Variants in GNAQ observed in about 807,000 individuals in gnomAD.
GNAQ encodes the protein G protein subunit alpha q.
GNAQ carries 8 observed loss-of-function variants against 43.9 expected under a neutral mutation model. The observed-to-expected ratio is 0.18, with a 90% confidence interval of 0.11 to 0.33. GNAQ has a LOEUF of 0.33. Ranked by LOEUF, GNAQ falls within the 10% of genes least tolerant of loss-of-function variation. The probability of loss-of-function intolerance (pLI) is 1.00; values close to 1 mark genes in which losing one functional copy is unlikely to be tolerated. For synonymous variants in GNAQ, 155 were observed against 170.7 expected (o/e 0.91, Z 0.71); for missense variants, 158 against 450.8 (o/e 0.35, Z 5.88).
chr9:77,897,942 GAAAAAAAA>G (rs5898570), intron 2 of GNAQ, among the ~76,000 whole-genome samples: 1 of 124,718 alleles, frequency 8.0e-6, no homozygotes, highest in African/African-American at 3.1e-5. Context: ...ACTTTCCCTG[GAAAAAAAA>G]AAAAAAAAAA....
rs77029988 is a variant in GNAQ at position 77,947,105 on chromosome 9, C to G, written c.137-24760G>C. Among the ~76,000 whole-genome samples, 667 of 152,348 alleles carry G rather than the reference C, an allele frequency of 4.4e-3. 6 individuals are homozygous for G. Among genetic ancestry groups the G allele is most frequent in the African/African-American group, 0.016 (646 of 41,580 alleles). On this transcript the variant is annotated intron_variant, in intron 1 of 6. Transcript: ENST00000286548. The stretch of plus-strand genomic sequence containing the variant: ...AAATATCCTTCTCTGCTGGGCAAAA[C>G]CTCCCCCATTCTTGTCCTTTAAGTT...
At chr9:77,957,606 G>A (rs956773714) in intron 1 of GNAQ, among the ~76,000 whole-genome samples, 6 of 152,118 alleles carry the variant, frequency 3.9e-5, no homozygotes, top group African/African-American at 1.2e-4. Context: ...ATTCACAGAG[G>A]CAATGGGATT....
intron 5 of GNAQ, among the ~76,000 whole-genome samples, chr9:77,780,577 G>T (rs1411919000): frequency 6.6e-6 from 1 of 151,852 alleles, no homozygotes; most frequent in African/African-American, 2.4e-5. Context: ...CAACATGGGG[G>T]TGCAGATCTC....
rs1826677046 is a variant in GNAQ at position 77,797,503 on chromosome 9, A to T, written c.605+17T>A. On this transcript the variant is annotated intron_variant, in intron 4 of 6. Coordinates refer to ENST00000286548, the MANE Select transcript of GNAQ (RefSeq NM_002072.5). ...GCATAAAAGCTGGGAAATAGGTTTCATGGACTCAGTTACTACCTGAAAATG... is the reference window on the plus strand; with the variant it reads ...GCATAAAAGCTGGGAAATAGGTTTCTTGGACTCAGTTACTACCTGAAAATG... 1 of 1,604,636 alleles carries T rather than the reference A, an allele frequency of 6.2e-7. No individual in the cohort carries two copies. Among genetic ancestry groups the T allele is most frequent in the Non-Finnish European group, 8.5e-7 (1 of 1,171,808 alleles).
rs2013373 is a variant in GNAQ at position 77,728,636 on chromosome 9, C to G, written c.767G>C (p.Arg256Thr). 7 of 1,598,520 alleles carry G rather than the reference C, an allele frequency of 4.4e-6. No homozygotes were observed. Among genetic ancestry groups the G allele is most frequent in the Non-Finnish European group, 6.0e-6 (7 of 1,168,346 alleles). The change falls in exon 6 of 7, where the codon AGA becomes ACA. Residue 256 changes from arginine (R) to threonine (T), a missense_variant. Physicochemically the swap from Arg to Thr is moderately conservative, Grantham distance 71. Transcript: ENST00000286548. ...GAACCAGGGGTATGTGATAATTGTT[C>G]TAAAGAGAGCCTTGCTTTCCTCCAT... Reference protein sequence around the residue: ...NRMEESKALFRTIITYPWFQN... With the variant: ...NRMEESKALFTTIITYPWFQN...
At chr9:77,888,902 T>C (rs1359432148) in intron 2 of GNAQ, among the ~76,000 whole-genome samples, 1 of 152,018 alleles carries the variant, frequency 6.6e-6, no homozygotes, top group Non-Finnish European at 1.5e-5. Context: ...ACGGAAGAGA[T>C]TCCATTTTCA....
chr9:77,924,394 G>A (rs765601024), intron 1 of GNAQ, among the ~76,000 whole-genome samples: 3 of 151,964 alleles, frequency 2.0e-5, no homozygotes, highest in African/African-American at 4.8e-5. Context: ...TTATTATCAC[G>A]ATCCCAGAGC....
intron 1 of GNAQ, among the ~76,000 whole-genome samples, chr9:77,933,905 C>A (rs901358537): frequency 4.6e-5 from 7 of 152,114 alleles, no homozygotes; most frequent in African/African-American, 1.7e-4. Flanking sequence ...AATGCAGCGG[C>A]TGGGAAATTA....
chr9:77,759,120 A>G (rs1825950021), intron 5 of GNAQ, among the ~76,000 whole-genome samples: 1 of 152,210 alleles, frequency 6.6e-6, no homozygotes, highest in Non-Finnish European at 1.5e-5. Context: ...TCATGTGAAA[A>G]GAAATATTTC....
intron 2 of GNAQ, among the ~76,000 whole-genome samples, chr9:77,917,333 A>G (rs1399013096): frequency 6.6e-6 from 1 of 152,082 alleles, no homozygotes; most frequent in Non-Finnish European, 1.5e-5. Context: ...GCAAAGATCC[A>G]TCAGAAAAGC....
At chr9:77,846,678 C>T (rs1355697226) in intron 2 of GNAQ, among the ~76,000 whole-genome samples, 1 of 152,146 alleles carries the variant, frequency 6.6e-6, no homozygotes, top group East Asian at 1.9e-4. Flanking sequence ...TGAAGCACGT[C>T]CCTTTTAACC....
intron 2 of GNAQ, among the ~76,000 whole-genome samples, chr9:77,920,242 A>C (rs1360801808): frequency 6.6e-6 from 1 of 152,188 alleles, no homozygotes; most frequent in Non-Finnish European, 1.5e-5. Flanking sequence ...TAACATCTAC[A>C]TGACTGTATA....
intron 2 of GNAQ, among the ~76,000 whole-genome samples, chr9:77,871,496 T>C (rs889536138): frequency 3.4e-4 from 51 of 152,236 alleles, no homozygotes; most frequent in African/African-American, 1.2e-3. Flanking sequence ...TGTTTTGTTT[T>C]TTAGGGGTAG....
At chr9:77,876,013 G>A (rs2118045735) in intron 2 of GNAQ, among the ~76,000 whole-genome samples, 1 of 152,292 alleles carries the variant, frequency 6.6e-6, no homozygotes, top group East Asian at 1.9e-4. Context: ...TGCATACCAT[G>A]AGGATTATTA....
At chr9:77,861,809 G>A (rs139164172) in intron 2 of GNAQ, among the ~76,000 whole-genome samples, 1,907 of 152,184 alleles carry the variant, frequency 0.013, 28 homozygotes, top group African/African-American at 0.037. Context: ...AGACCAGCCT[G>A]GCCAACATGG....
intron 5 of GNAQ, among the ~76,000 whole-genome samples, chr9:77,745,902 C>T (rs1345998301): frequency 1.3e-5 from 2 of 151,778 alleles, no homozygotes; most frequent in African/African-American, 2.4e-5. Flanking sequence ...TTAAAGGGCC[C>T]CAGAAGGGCT....
intron 1 of GNAQ, among the ~76,000 whole-genome samples, chr9:77,938,235 G>C (rs1829261811): frequency 6.6e-6 from 1 of 152,010 alleles, no homozygotes; most frequent in Non-Finnish European, 1.5e-5. Context: ...TAAGTATTTT[G>C]CATCTGAGAT....
At chr9:77,921,365 A>G (rs749729017) in intron 2 of GNAQ, among the ~76,000 whole-genome samples, 1 of 152,256 alleles carries the variant, frequency 6.6e-6, no homozygotes, top group East Asian at 1.9e-4. Context: ...GGACAACTGC[A>G]GCATAAATTC....
chr9:77,901,650 C>T (rs1165330255), intron 2 of GNAQ, among the ~76,000 whole-genome samples: 1 of 152,222 alleles, frequency 6.6e-6, no homozygotes, highest in African/African-American at 2.4e-5. Context: ...CCTCTGCATT[C>T]CTCACACAGC....
Sources: gnomAD v4.1 joint callset for allele counts (sites outside exome capture counted in the v4.1 genomes callset) on GRCh38, gnomAD v4.1.1 for gene constraint, MANE v1.5 for transcripts, NCBI Gene and HGNC (gene_info 2026-07-23, HGNC 2026-07-21) for gene names.